Variants in BICC1 observed in about 807,000 individuals in gnomAD.
The protein encoded by BICC1 is BicC family RNA binding protein 1, also known as protein bicaudal C homolog 1.
Under a neutral mutation model 111.0 loss-of-function variants are expected in BICC1, and 43 were observed. That is an observed-to-expected ratio of 0.39 (90% CI 0.30 to 0.50). The LOEUF (loss-of-function observed/expected upper bound fraction) is 0.50. Ranked by LOEUF, BICC1 falls within the 20% of genes least tolerant of loss-of-function variation. BICC1 has a pLI of 0.88. For synonymous variants in BICC1, 467 were observed against 434.4 expected, an observed-to-expected ratio of 1.07 and a Z score of -0.93; for missense variants, 1,091 against 1,203.2, an observed-to-expected ratio of 0.91 and a Z score of 1.38.
At chr10:58,641,478 T>G (rs949614866) in intron 2 of BICC1, among the ~76,000 whole-genome samples, 1 of 152,082 alleles carries the variant, frequency 6.6e-6, no homozygotes, top group Non-Finnish European at 1.5e-5. Context: ...TCCTTTTTTT[T>G]TTTGCTTTCC....
intron 3 of BICC1, among the ~76,000 whole-genome samples, chr10:58,719,675 T>C (rs1840878899): frequency 6.6e-6 from 1 of 152,232 alleles, no homozygotes; most frequent in African/African-American, 2.4e-5. Context: ...CATGGACCTA[T>C]GTCAAAGACC....
At chr10:58,586,380 A>G (rs756431408) in intron 1 of BICC1, among the ~76,000 whole-genome samples, 14 of 152,282 alleles carry the variant, frequency 9.2e-5, no homozygotes, top group Non-Finnish European at 1.9e-4. Context: ...CTGACTACCA[A>G]TTGACTTTCT....
chr10:58,788,573 C>T, intron 6 of BICC1, 150 bp downstream of exon 6: 1 of 536,846 alleles, frequency 1.9e-6, no homozygotes, highest in Non-Finnish European at 3.3e-6. Flanking sequence ...TCTATCTTAG[C>T]ATTCATTATC....
chr10:58,633,468 C>T (rs1480680100), intron 2 of BICC1, among the ~76,000 whole-genome samples: 5 of 152,210 alleles, frequency 3.3e-5, no homozygotes, highest in Non-Finnish European at 4.4e-5. Context: ...TTTTCCACTA[C>T]CTTCCTAAAT....
chr10:58,758,832 A>ATTTCCACGTAGACTGCGTTGCTCCTTGCT (rs1842220212), intron 3 of BICC1, among the ~76,000 whole-genome samples: 1 of 151,406 alleles, frequency 6.6e-6, no homozygotes, highest in Non-Finnish European at 1.5e-5. Flanking sequence ...AATTAAAATT[A>ATTTCCACGTAGACTGCGTTGCTCCTTGCT]ATAAAAACTG....
intron 1 of BICC1, among the ~76,000 whole-genome samples, chr10:58,613,478 C>T (rs533520970): frequency 1.1e-4 from 16 of 152,228 alleles, no homozygotes; most frequent in East Asian, 9.6e-4. Context: ...TGGTTTGGCT[C>T]ATTTCACAGG....
chr10:58,728,438 T>C (rs1841180987), intron 3 of BICC1, among the ~76,000 whole-genome samples: 1 of 152,176 alleles, frequency 6.6e-6, no homozygotes, highest in Non-Finnish European at 1.5e-5. Context: ...ATCTTTAGGC[T>C]TAACTTCTAA....
chr10:58,772,407 A>G (rs1402025101), intron 3 of BICC1, among the ~76,000 whole-genome samples: 1 of 152,220 alleles, frequency 6.6e-6, no homozygotes, highest in East Asian at 1.9e-4. Flanking sequence ...AGTAATGATT[A>G]TCTCAAATTT....
chr10:58,756,496 C>CAA (rs1842147534), intron 3 of BICC1, among the ~76,000 whole-genome samples: 3 of 152,096 alleles, frequency 2.0e-5, no homozygotes, highest in Admixed American at 6.5e-5. Flanking sequence ...CTCCCATTCC[C>CAA]TTTCTAGCAG....
intron 2 of BICC1, among the ~76,000 whole-genome samples, chr10:58,647,207 A>G (rs1331739441): frequency 1.3e-5 from 2 of 152,300 alleles, no homozygotes; most frequent in Admixed American, 1.3e-4. Context: ...CTTTTTAGTT[A>G]TAGTCTCACA....
At chr10:58,598,112 C>T (rs1299579962) in intron 1 of BICC1, among the ~76,000 whole-genome samples, 1 of 152,124 alleles carries the variant, frequency 6.6e-6, no homozygotes, top group East Asian at 1.9e-4. Context: ...TCCTCTGCTG[C>T]AGCTCCAGCT....
chr10:58,747,387 A>T (rs1370693752), intron 3 of BICC1, among the ~76,000 whole-genome samples: 2 of 152,178 alleles, frequency 1.3e-5, no homozygotes, highest in South Asian at 4.1e-4. Flanking sequence ...ACCAACTTAA[A>T]TAAATAAGCA....
At position 58,683,676 on chromosome 10, in the gene BICC1, C is replaced by T. The variant is rs142480276; in HGVS notation, c.238-18398C>T. 4.2e-3 allele frequency among the ~76,000 whole-genome samples: 637 copies of T among 152,048 alleles called. 13 individuals are homozygous for T. Among genetic ancestry groups the T allele is most frequent in the African/African-American group, 0.015 (606 of 41,516 alleles). ...AGGAGTTCACTCATGATTTGGCTGT[C>T]TGTCTGTTATTGGTGTATAGGAGTG... On this transcript the variant is annotated intron_variant, in intron 2 of 20. Coordinates refer to ENST00000373886, the MANE Select transcript of BICC1 (RefSeq NM_001080512.3).
At chr10:58,695,399 C>G (rs770902498) in intron 2 of BICC1, among the ~76,000 whole-genome samples, 15 of 152,118 alleles carry the variant, frequency 9.9e-5, no homozygotes, top group Non-Finnish European at 8.8e-5. Flanking sequence ...CCTTATTTCT[C>G]TATTAATATA....
At chr10:58,570,300 G>A (rs184416464) in intron 1 of BICC1, among the ~76,000 whole-genome samples, 13 of 152,288 alleles carry the variant, frequency 8.5e-5, no homozygotes, top group African/African-American at 3.1e-4. Context: ...ATTATCTTTG[G>A]CTAAGGTTAT....
At chr10:58,801,622 A>T (rs1843552188) in intron 14 of BICC1, among the ~76,000 whole-genome samples, 1 of 151,432 alleles carries the variant, frequency 6.6e-6, no homozygotes, top group Non-Finnish European at 1.5e-5. Context: ...TGTATTTTGG[A>T]CAGTCTCTAC....
In BICC1 at chr10:58,736,871, C is replaced by G. The variant is rs865840974; in HGVS notation, c.307+34728C>G. ...CTAAATCTAAATTATTTGTCGTATT[C>G]AGCCAGGATGAGAAACGTTGATTTG... On this transcript the variant is annotated intron_variant, in intron 3 of 20. Coordinates refer to ENST00000373886, the MANE Select transcript of BICC1 (RefSeq NM_001080512.3). 2.6e-5 allele frequency among the ~76,000 whole-genome samples: 4 copies of G among 152,080 alleles called. 1 individual carries two copies. The South Asian group carries it at 8.3e-4, about 32-fold the overall frequency.
At chr10:58,547,885 A>G (rs1410071327) in intron 1 of BICC1, among the ~76,000 whole-genome samples, 2 of 152,082 alleles carry the variant, frequency 1.3e-5, no homozygotes, top group Non-Finnish European at 2.9e-5. Flanking sequence ...CACATCTTGT[A>G]TATTCCCTGC....
intron 2 of BICC1, among the ~76,000 whole-genome samples, chr10:58,677,585 A>T (rs1839384642): frequency 6.6e-6 from 1 of 152,210 alleles, no homozygotes; most frequent in Non-Finnish European, 1.5e-5. Context: ...GTGTACCTGA[A>T]ATTGATGGGG....
Sources: gnomAD v4.1 joint callset for allele counts (sites outside exome capture counted in the v4.1 genomes callset) on GRCh38, gnomAD v4.1.1 for gene constraint, MANE v1.5 for transcripts, NCBI Gene and HGNC (gene_info 2026-07-23, HGNC 2026-07-21) for gene names.